The following LRRC4C variants were observed in gnomAD, a reference collection of about 807,000 sequenced individuals.
The protein encoded by LRRC4C is leucine rich repeat containing 4C, also known as leucine-rich repeat-containing protein 4C.
A neutral mutation model predicts 33.6 loss-of-function variants in LRRC4C; 5 were observed. The observed-to-expected ratio is 0.15, with a 90% CI of 0.08 to 0.31. LRRC4C has a LOEUF of 0.31. Ranked by LOEUF, LRRC4C falls within the 10% of genes least tolerant of loss-of-function variation. The pLI is 1.00. For synonymous variants in LRRC4C, 329 were observed against 302.0 expected (o/e 1.09, Z -0.93); for missense variants, 560 against 796.7 (o/e 0.70, Z 3.58).
intron 1 of LRRC4C, among the ~76,000 whole-genome samples, chr11:41,396,453 T>G (rs1481016185): frequency 7.2e-5 from 11 of 151,996 alleles, no homozygotes; most frequent in Non-Finnish European, 1.5e-4. Context: ...ATGTATTCTT[T>G]TTTTTCTTTT....
At chr11:41,400,783 A>G (rs549028355) in intron 1 of LRRC4C, among the ~76,000 whole-genome samples, 2 of 151,912 alleles carry the variant, frequency 1.3e-5, no homozygotes, top group Non-Finnish European at 2.9e-5. Flanking sequence ...CTTCTTGTTT[A>G]TAAAACAGAA....
intron 3 of LRRC4C, among the ~76,000 whole-genome samples, chr11:40,362,481 A>T (rs1318229316): frequency 1.3e-5 from 2 of 152,188 alleles, no homozygotes. Context: ...GCACTTTGGG[A>T]GGCCAAGGCA....
At chr11:40,585,264 C>T (rs530981300) in intron 3 of LRRC4C, among the ~76,000 whole-genome samples, 224 of 152,266 alleles carry the variant, frequency 1.5e-3, no homozygotes, top group African/African-American at 5.2e-3. Context: ...GACTAGATAG[C>T]TTCCTCTGCC....
chr11:40,916,137 A>G (rs1413054591), intron 2 of LRRC4C, among the ~76,000 whole-genome samples: 6 of 152,146 alleles, frequency 3.9e-5, no homozygotes, highest in South Asian at 2.1e-4. Flanking sequence ...AAGTCAGTGT[A>G]GCGATTCCTC....
intron 4 of LRRC4C, among the ~76,000 whole-genome samples, chr11:40,273,320 G>A (rs991613000): frequency 6.6e-6 from 1 of 152,056 alleles, no homozygotes; most frequent in Non-Finnish European, 1.5e-5. Flanking sequence ...AATGACAAAG[G>A]CAACTAGTAA....
intron 2 of LRRC4C, among the ~76,000 whole-genome samples, chr11:40,893,040 T>C (rs1955789702): frequency 6.6e-6 from 1 of 151,930 alleles, no homozygotes; most frequent in Non-Finnish European, 1.5e-5. Context: ...TTATAACTCC[T>C]ACAAAAAAAA....
intron 3 of LRRC4C, among the ~76,000 whole-genome samples, chr11:40,557,878 T>A (rs1957392913): frequency 6.6e-6 from 1 of 152,184 alleles, no homozygotes; most frequent in Admixed American, 6.5e-5. Context: ...TGAGCCATTT[T>A]ATCCTAAGTG....
intron 1 of LRRC4C, among the ~76,000 whole-genome samples, chr11:41,201,139 A>G (rs531647505): frequency 8.5e-5 from 13 of 152,334 alleles, no homozygotes; most frequent in Non-Finnish European, 1.9e-4. Flanking sequence ...CCCCTATTTC[A>G]AAATCTACCT....
In LRRC4C at chr11:40,227,739, GA is replaced by G. The variant is rs1234434227; in HGVS notation, c.-96+13779del. On this transcript the variant is annotated intron_variant, in intron 5 of 6. Transcript: ENST00000528697. ...GGAGGAAAGATAACAAAAGTACAAGGAAAAAAAAGTACCATAGAAAATCACA... is the reference window on the plus strand; with the variant it reads ...GGAGGAAAGATAACAAAAGTACAAGGAAAAAAAGTACCATAGAAAATCACA... Among the ~76,000 whole-genome samples the G allele has an allele frequency of 7.9e-5, 12 of 151,518 alleles. No homozygotes were observed. In the East Asian group the frequency reaches 2.1e-3, roughly 27 times the overall value.
intron 1 of LRRC4C, among the ~76,000 whole-genome samples, chr11:41,179,991 G>T (rs943807357): frequency 1.3e-5 from 2 of 152,166 alleles, no homozygotes; most frequent in Non-Finnish European, 2.9e-5. Flanking sequence ...CTGTGGGACA[G>T]GCACCCTATA....
At chr11:41,264,192 G>A (rs7109003) in intron 1 of LRRC4C, among the ~76,000 whole-genome samples, 150,196 of 151,630 alleles carry the variant, frequency 0.99, 74,406 homozygotes, top group East Asian at 1. Flanking sequence ...CCTGGGTTCA[G>A]GCAATGCTCC....
chr11:40,810,713 C>T (rs1468715489), intron 2 of LRRC4C, among the ~76,000 whole-genome samples: 1 of 152,040 alleles, frequency 6.6e-6, no homozygotes, highest in African/African-American at 2.4e-5. Context: ...AATCTTAATT[C>T]TTCTATTACT....
intron 3 of LRRC4C, among the ~76,000 whole-genome samples, chr11:40,501,414 C>A (rs1232074840): frequency 6.6e-6 from 1 of 152,180 alleles, no homozygotes; most frequent in Non-Finnish European, 1.5e-5. Context: ...AGAGGTTCGC[C>A]ATGAGTGCCT....
chr11:40,157,959 C>T (rs1858844043), intron 5 of LRRC4C, among the ~76,000 whole-genome samples: 1 of 152,132 alleles, frequency 6.6e-6, no homozygotes, highest in Non-Finnish European at 1.5e-5. Flanking sequence ...AAGATACTTG[C>T]ACACACATGT....
intron 3 of LRRC4C, among the ~76,000 whole-genome samples, chr11:40,542,992 T>A (rs1455840875): frequency 2.6e-5 from 4 of 152,176 alleles, no homozygotes; most frequent in Non-Finnish European, 5.9e-5. Flanking sequence ...GTAAATCGAA[T>A]CTTTCAATAG....
intron 1 of LRRC4C, among the ~76,000 whole-genome samples, chr11:41,277,434 T>A (rs1949519622): frequency 6.6e-6 from 1 of 152,180 alleles, no homozygotes; most frequent in African/African-American, 2.4e-5. Context: ...CTAGAACTTC[T>A]AGAAATAATG....
chr11:40,951,301 A>G (rs936124469), intron 1 of LRRC4C, among the ~76,000 whole-genome samples: 3 of 152,044 alleles, frequency 2.0e-5, no homozygotes, highest in Admixed American at 1.3e-4. Context: ...CTACTTAGAG[A>G]TATATCATCT....
In LRRC4C at chr11:40,733,531, G is replaced by A. The variant is rs531803305; in HGVS notation, c.-406-85253C>T. Among the ~76,000 whole-genome samples, 9 of 152,310 alleles carry A rather than the reference G, an allele frequency of 5.9e-5. No homozygotes were observed. The South Asian group carries it at 1.9e-3, about 32-fold the overall frequency. ...CTTAGCCTGCACTTCTACCCAAAGA[G>A]ATGTTTGGGTTTAGATAATTTATTA... is the stretch of plus-strand genomic sequence containing the variant. On this transcript the variant is annotated intron_variant, in intron 2 of 6. Coordinates refer to ENST00000528697, the MANE Select transcript of LRRC4C (RefSeq NM_001258419.2).
chr11:41,211,240 C>A (rs1375667890), intron 1 of LRRC4C, among the ~76,000 whole-genome samples: 1 of 152,152 alleles, frequency 6.6e-6, no homozygotes, highest in African/African-American at 2.4e-5. Flanking sequence ...GGGTGAAGAG[C>A]AGACTGCCAT....
Sources: gnomAD v4.1 joint callset for allele counts (sites outside exome capture counted in the v4.1 genomes callset) on GRCh38, gnomAD v4.1.1 for gene constraint, MANE v1.5 for transcripts, NCBI Gene and HGNC (gene_info 2026-07-23, HGNC 2026-07-21) for gene names.